The following APBB2 variants were observed in gnomAD, a reference collection of about 807,000 sequenced individuals.
The protein encoded by APBB2 is Fe65-like 1.
A neutral mutation model predicts 82.5 loss-of-function variants in APBB2; 38 were observed. The ratio of observed to expected loss-of-function variants is 0.46; its 90% CI spans 0.36 to 0.60. APBB2 has a LOEUF of 0.60. APBB2 is among the 20% of genes least tolerant of loss of function. APBB2 has a pLI of 0.00. For synonymous variants in APBB2, 341 were observed against 368.2 expected, an observed-to-expected ratio of 0.93 and a Z score of 0.85; for missense variants, 772 against 972.3, an observed-to-expected ratio of 0.79 and a Z score of 2.74.
At chr4:41,161,302 TC>T (rs1314186979) in intron 1 of APBB2, among the ~76,000 whole-genome samples, 1 of 151,618 alleles carries the variant, frequency 6.6e-6, no homozygotes, top group East Asian at 1.9e-4. Context: ...AAGCCCAAAG[TC>T]TCTCTCAAAA....
At chr4:40,945,430 G>T (rs1038970084) in intron 6 of APBB2, among the ~76,000 whole-genome samples, 1 of 152,120 alleles carries the variant, frequency 6.6e-6, no homozygotes, top group Non-Finnish European at 1.5e-5. Flanking sequence ...TGTACTGAAT[G>T]CTTTTGTCAA....
intron 6 of APBB2, among the ~76,000 whole-genome samples, chr4:40,963,208 C>T (rs900657620): frequency 2.0e-5 from 3 of 152,096 alleles, no homozygotes; most frequent in Non-Finnish European, 4.4e-5. Context: ...TAAGCATCTT[C>T]CTCCTCAAAC....
intron 12 of APBB2, among the ~76,000 whole-genome samples, chr4:40,873,744 T>C (rs976986107): frequency 1.3e-5 from 2 of 152,234 alleles, no homozygotes; most frequent in African/African-American, 4.8e-5. Flanking sequence ...TTTGGATAGG[T>C]CAATAAATAT....
chr4:40,938,345 A>C (rs1157000840), intron 7 of APBB2, among the ~76,000 whole-genome samples: 2 of 152,194 alleles, frequency 1.3e-5, no homozygotes, highest in African/African-American at 2.4e-5. Flanking sequence ...GGACTGACCC[A>C]ATGCCCGGGG....
chr4:40,951,311 T>C (rs542582619), intron 6 of APBB2, among the ~76,000 whole-genome samples: 1 of 152,246 alleles, frequency 6.6e-6, no homozygotes, highest in South Asian at 2.1e-4. Flanking sequence ...AATACCTCAG[T>C]GGAGTTCTGA....
intron 12 of APBB2, among the ~76,000 whole-genome samples, chr4:40,867,868 T>G (rs1263130918): frequency 2.6e-5 from 4 of 151,536 alleles, no homozygotes; most frequent in Non-Finnish European, 5.9e-5. Context: ...CTGGGGCTTT[T>G]TTTTTTTTTT....
rs1288733670 is a variant in APBB2, at chr4:40,813,322, G to A, written c.*2770C>T. On this transcript the variant is annotated 3_prime_UTR_variant, in exon 18 of 18. Transcript: ENST00000508593. Reference sequence around the variant, plus strand: ...AAATAAAATAAAAATATTTTAAGCTGTATTTAACAGGTTAATTAAAAATAT... The same window carrying A: ...AAATAAAATAAAAATATTTTAAGCTATATTTAACAGGTTAATTAAAAATAT... 1 of 152,166 alleles carries A rather than the reference G, an allele frequency of 6.6e-6. No homozygotes were observed. The highest frequency in any genetic ancestry group is 2.4e-5 in the African/African-American group (1 of 41,436). 9.4% of individuals were successfully genotyped at this position (152,166 alleles called of 1,614,324 possible). A position where few individuals can be genotyped will look rare whatever the true frequency, so the allele number is the denominator to read the frequency against.
intron 6 of APBB2, among the ~76,000 whole-genome samples, chr4:40,957,316 A>ATT (rs34681125): frequency 6.6e-6 from 1 of 151,560 alleles, no homozygotes; most frequent in Non-Finnish European, 1.5e-5. Flanking sequence ...CAACAATCAC[A>ATT]TTTTTTTTTA....
At chr4:40,982,265 AGAAAGAAAGAAAGAAAGAAGGAAGGAAG>A (rs1798814810) in intron 6 of APBB2, among the ~76,000 whole-genome samples, 2 of 28,684 alleles carry the variant, frequency 7.0e-5, no homozygotes, top group African/African-American at 2.9e-4. Context: ...AAAGAAAGAA[AGAAAGAAAGAAAGAAAGAAGGAAGGAAG>A]GAAGGAAGGA....
In APBB2 at chr4:41,187,822, C is replaced by G. The variant is rs547843821; in HGVS notation, c.-417+26583G>C. ...CATGAGTTATCCATTTGTACTTTAGCTTCTTTTGTAATCCAAATCTCACTG... is the reference window on the plus strand; with the variant it reads ...CATGAGTTATCCATTTGTACTTTAGGTTCTTTTGTAATCCAAATCTCACTG... On this transcript the variant is annotated intron_variant, in intron 1 of 17. Transcript: ENST00000508593. Among the ~76,000 whole-genome samples the G allele has an allele frequency of 1.6e-3, 244 of 152,260 alleles. 1 individual carries two copies. Among genetic ancestry groups the G allele is most frequent in the African/African-American group, 3.8e-3 (159 of 41,552 alleles).
chr4:40,933,855 C>T (rs1158360624), intron 10 of APBB2, among the ~76,000 whole-genome samples: 1 of 152,230 alleles, frequency 6.6e-6, no homozygotes, highest in African/African-American at 2.4e-5. Context: ...AAGCATTCAT[C>T]CCCACACACA....
At chr4:41,160,442 A>C (rs1302378813) in intron 1 of APBB2, among the ~76,000 whole-genome samples, 1 of 152,186 alleles carries the variant, frequency 6.6e-6, no homozygotes, top group African/African-American at 2.4e-5. Context: ...TCTAGTTAGC[A>C]ATCAGAATGA....
chr4:41,039,540 C>A (rs1720545169), intron 4 of APBB2, among the ~76,000 whole-genome samples: 1 of 152,166 alleles, frequency 6.6e-6, no homozygotes, highest in African/African-American at 2.4e-5. Context: ...TGCTTAGTGT[C>A]TAGCACATCT....
chr4:40,900,345 C>T (rs1774912283), intron 10 of APBB2, among the ~76,000 whole-genome samples: 1 of 152,012 alleles, frequency 6.6e-6, no homozygotes, highest in South Asian at 2.1e-4. Context: ...TAAGTTCGTG[C>T]TCTTGAGAAG....
intron 4 of APBB2, among the ~76,000 whole-genome samples, chr4:41,063,276 A>G (rs547167567): frequency 1.3e-5 from 2 of 152,346 alleles, no homozygotes; most frequent in South Asian, 4.1e-4. Context: ...GAGATTATGT[A>G]GGTGCTTATA....
intron 3 of APBB2, among the ~76,000 whole-genome samples, chr4:41,099,619 TAAC>T (rs997800267): frequency 3.3e-5 from 5 of 152,158 alleles, no homozygotes; most frequent in African/African-American, 9.7e-5. Context: ...GTAAATACAA[TAAC>T]AACAGAGCTA....
intron 1 of APBB2, among the ~76,000 whole-genome samples, chr4:41,148,931 A>C (rs1375807256): frequency 6.6e-6 from 1 of 152,240 alleles, no homozygotes; most frequent in Non-Finnish European, 1.5e-5. Context: ...ACGAGCAGCA[A>C]TGCTACGTCT....
chr4:40,984,050 T>C lies in APBB2; in HGVS notation c.835+29533A>G, dbSNP rs372112065. Among the ~76,000 whole-genome samples the C allele has an allele frequency of 3.3e-5, 5 of 152,318 alleles. No homozygotes were observed. In the South Asian group the frequency reaches 8.3e-4, roughly 25 times the overall value. On this transcript the variant is annotated intron_variant, in intron 6 of 17. Transcript: ENST00000508593. ...TGGGGGTGGACTAATCCTCAGACTA[T>C]GCAAAACTTGGTTTTGATCTTTAGA...
At chr4:40,934,777 C>T (rs773890731) in intron 8 of APBB2, 78 bp from the exon 9 acceptor site, 18 of 1,065,128 alleles carry the variant, frequency 1.7e-5, no homozygotes, top group East Asian at 2.4e-5. Flanking sequence ...AGGGGAGAAA[C>T]GTCTTCCCAG....
Sources: gnomAD v4.1 joint callset for allele counts (sites outside exome capture counted in the v4.1 genomes callset) on GRCh38, gnomAD v4.1.1 for gene constraint, MANE v1.5 for transcripts, NCBI Gene and HGNC (gene_info 2026-07-23, HGNC 2026-07-21) for gene names.